NEBL: variants seen among roughly 807,000 people sequenced by gnomAD.
NEBL encodes the protein LIM and SH3 protein 2.
NEBL carries 122 observed loss-of-function variants against 140.2 expected under a neutral mutation model. The ratio of observed to expected loss-of-function variants is 0.87; its 90% CI spans 0.75 to 1.01. NEBL has a LOEUF of 1.01. NEBL is among the 50% of genes least tolerant of loss of function. The pLI, the probability that NEBL is intolerant of heterozygous loss-of-function variation, is 0.00. For missense variants in NEBL, 1,365 were observed against 1,231.3 expected (o/e 1.11, Z -1.62); for synonymous variants, 436 against 398.9 (o/e 1.09, Z -1.11).
At chr10:21,292,171 T>G (rs376564288) in intron 1 of NEBL, among the ~76,000 whole-genome samples, 14 of 152,306 alleles carry the variant, frequency 9.2e-5, no homozygotes, top group African/African-American at 3.1e-4. Context: ...TTCAAGGAAG[T>G]CTTTCATCAA....
intron 3 of NEBL, among the ~76,000 whole-genome samples, chr10:21,236,945 A>C (rs191601722): frequency 1.3e-5 from 2 of 152,292 alleles, no homozygotes; most frequent in African/African-American, 4.8e-5. Context: ...TAGAGAGAGG[A>C]CCAAGGCATC....
chr10:20,940,278 A>C (rs1834779746), intron 4 of NEBL, among the ~76,000 whole-genome samples: 1 of 151,644 alleles, frequency 6.6e-6, no homozygotes, highest in African/African-American at 2.4e-5. Flanking sequence ...AGGATTAAGA[A>C]ACTCAATCAA....
At chr10:21,251,038 A>T (rs541767038) in intron 2 of NEBL, among the ~76,000 whole-genome samples, 1 of 152,274 alleles carries the variant, frequency 6.6e-6, no homozygotes, top group East Asian at 1.9e-4. Context: ...GATGAATTGC[A>T]ATTGTTCCTC....
chr10:21,255,071 T>G (rs1246838366), intron 1 of NEBL, among the ~76,000 whole-genome samples: 1 of 151,628 alleles, frequency 6.6e-6, no homozygotes, highest in East Asian at 2.0e-4. Flanking sequence ...CCTGCAAACC[T>G]CCCTCCGAAG....
At chr10:20,949,846 G>A (rs181252033) in intron 4 of NEBL, among the ~76,000 whole-genome samples, 3 of 152,086 alleles carry the variant, frequency 2.0e-5, no homozygotes, top group African/African-American at 2.4e-5. Flanking sequence ...ATACTGATAG[G>A]CAAATAGTGA....
intron 3 of NEBL, among the ~76,000 whole-genome samples, chr10:21,213,461 C>T (rs1344336477): frequency 6.6e-6 from 1 of 152,200 alleles, no homozygotes; most frequent in Non-Finnish European, 1.5e-5. Flanking sequence ...CTATAAAATG[C>T]ACTTTCAAAA....
At chr10:20,845,447 G>T in intron 11 of NEBL, 79 bp from the exon 12 acceptor site, 2 of 895,608 alleles carry the variant, frequency 2.2e-6, no homozygotes. Flanking sequence ...AGAGTTCCCA[G>T]AACAAAAATG....
chr10:20,816,202 A>C (rs1588673909), intron 21 of NEBL, among the ~76,000 whole-genome samples: 3 of 152,234 alleles, frequency 2.0e-5, no homozygotes, highest in Non-Finnish European at 2.9e-5. Context: ...AAGAGAGTAC[A>C]TGTGTCCAAA....
intron 3 of NEBL, among the ~76,000 whole-genome samples, chr10:21,186,802 A>C (rs1400156532): frequency 6.6e-6 from 1 of 152,046 alleles, no homozygotes; most frequent in African/African-American, 2.4e-5. Context: ...TCTAGGCAAT[A>C]TATAGGTAAT....
At chr10:21,260,880 G>A (rs1326297383) in intron 1 of NEBL, among the ~76,000 whole-genome samples, 1 of 152,152 alleles carries the variant, frequency 6.6e-6, no homozygotes, top group Non-Finnish European at 1.5e-5. Context: ...ACAAAATCTT[G>A]CAGTGAAAGT....
At chr10:20,851,023 T>C (rs1298803765) in intron 10 of NEBL, among the ~76,000 whole-genome samples, 1 of 152,252 alleles carries the variant, frequency 6.6e-6, no homozygotes, top group African/African-American at 2.4e-5. Flanking sequence ...TTATATGATT[T>C]ATATCAATTT....
intron 2 of NEBL, among the ~76,000 whole-genome samples, chr10:21,118,921 T>C (rs1331084652): frequency 6.6e-6 from 1 of 152,148 alleles, no homozygotes; most frequent in Non-Finnish European, 1.5e-5. Flanking sequence ...CTTAGAGACA[T>C]TACTTTCACC....
rs754388372 is a variant in NEBL, at chr10:20,831,287, A to C, written c.1580T>G (p.Leu527Ter). The C allele has an allele frequency of 1.9e-6, 3 of 1,610,890 alleles. No individual in the cohort carries two copies. Among genetic ancestry groups the C allele is most frequent in the Non-Finnish European group, 2.5e-6 (3 of 1,177,704 alleles). Residue 527 changes from leucine (L) to a stop codon, truncating the protein, a stop_gained, in exon 16 of 28, where the codon TTA becomes TGA. Coordinates refer to ENST00000377122, the MANE Select transcript of NEBL (RefSeq NM_006393.3). LOFTEE classifies it high-confidence loss of function. ...TCCTTTCCCTTTAATTTCATTTTCT[A>C]AGTCCTTCTTGTATTGTTTCTAAAA... is the stretch of plus-strand genomic sequence containing the variant. ...MASQKQYKKD[L>*]ENEIKGKGMQ...
chr10:20,794,985 G>A (rs1006527479), intron 26 of NEBL, among the ~76,000 whole-genome samples: 1 of 152,172 alleles, frequency 6.6e-6, no homozygotes, highest in Admixed American at 6.5e-5. Context: ...TATCAGAAAT[G>A]AGGGGGAGCC....
chr10:21,114,117 GTTGTT>G (rs1838171430), intron 2 of NEBL, among the ~76,000 whole-genome samples: 1 of 151,894 alleles, frequency 6.6e-6, no homozygotes, highest in East Asian at 1.9e-4. Flanking sequence ...GTTTTAATAT[GTTGTT>G]TTAATTTTCA....
intron 2 of NEBL, among the ~76,000 whole-genome samples, chr10:21,057,587 T>TTGCCCAGGCTGGAGTGCAGTAG: frequency 6.9e-6 from 1 of 145,528 alleles, no homozygotes. Context: ...TCTGGCTCTG[T>TTGCCCAGGCTGGAGTGCAGTAG]CGCCCAGGCT....
intron 4 of NEBL, among the ~76,000 whole-genome samples, chr10:20,939,833 A>C (rs561047176): frequency 2.0e-5 from 3 of 152,246 alleles, no homozygotes; most frequent in Admixed American, 6.5e-5. Flanking sequence ...CAAAAGAGAC[A>C]AAGAAGGCCA....
At chr10:21,187,224 C>A (rs1841489473) in intron 3 of NEBL, among the ~76,000 whole-genome samples, 1 of 152,056 alleles carries the variant, frequency 6.6e-6, no homozygotes. Context: ...TTCCTGAGGC[C>A]TCCCCAGCTG....
chr10:20,997,471 TAAAAAAAAAAAAAAAAAAAAAAAAAAA>T (rs55712388), intron 3 of NEBL, among the ~76,000 whole-genome samples: 1,300 of 25,216 alleles, frequency 0.052, 51 homozygotes, highest in African/African-American at 0.086. Flanking sequence ...ACAGTCTCAG[TAAAAAAAAAAAAAAAAAAAAAAAAAAA>T]AAAAAAAAAA....
Sources: allele counts gnomAD v4.1 joint callset (sites outside exome capture counted in the v4.1 genomes callset), GRCh38; gene constraint gnomAD v4.1.1; transcripts MANE v1.5; gene names NCBI Gene and HGNC (gene_info 2026-07-23, HGNC 2026-07-21).